The following GRIK4 variants were observed in gnomAD, a reference collection of about 807,000 sequenced individuals.
The protein encoded by GRIK4 is glutamate receptor ionotropic, kainate 4.
GRIK4 carries 40 observed loss-of-function variants against 104.9 expected under a neutral mutation model. That is an observed-to-expected ratio of 0.38 (90% CI 0.30 to 0.50). The LOEUF (loss-of-function observed/expected upper bound fraction) is 0.50, where lower values mean the gene tolerates loss of function less well. Among genes scored for constraint, GRIK4 ranks in the 20% least tolerant of loss-of-function variants. The pLI is 0.93. For missense variants in GRIK4, 1,047 were observed against 1,308.1 expected, an observed-to-expected ratio of 0.80 and a Z score of 3.08; for synonymous variants, 485 against 524.9, an observed-to-expected ratio of 0.92 and a Z score of 1.04.
chr11:120,664,858 A>G (rs1475452030), intron 3 of GRIK4, among the ~76,000 whole-genome samples: 1 of 152,168 alleles, frequency 6.6e-6, no homozygotes, highest in Non-Finnish European at 1.5e-5. Context: ...GTGGCAAGGG[A>G]AGTTCTGCTC....
chr11:120,919,989 C>A (rs1335728407), intron 13 of GRIK4, among the ~76,000 whole-genome samples: 1 of 152,058 alleles, frequency 6.6e-6, no homozygotes, highest in Non-Finnish European at 1.5e-5. Flanking sequence ...TGGCAAGAGG[C>A]AGCACTGGGC....
At chr11:120,951,498 G>A (rs74866383) in intron 14 of GRIK4, among the ~76,000 whole-genome samples, 1 of 152,206 alleles carries the variant, frequency 6.6e-6, no homozygotes, top group Non-Finnish European at 1.5e-5. Flanking sequence ...GTGACAGTAG[G>A]TTGCGCCATG....
chr11:120,880,032 G>A (rs755977287), intron 11 of GRIK4, among the ~76,000 whole-genome samples: 1 of 152,208 alleles, frequency 6.6e-6, no homozygotes, highest in Non-Finnish European at 1.5e-5. Flanking sequence ...CTGAGGATTG[G>A]AAATGGCTTG....
chr11:120,779,632 A>G (rs1398537546), intron 3 of GRIK4, among the ~76,000 whole-genome samples: 2 of 151,730 alleles, frequency 1.3e-5, no homozygotes, highest in African/African-American at 4.9e-5. Context: ...TATTTTCTTT[A>G]TCATCATCTG....
At chr11:120,891,737 G>A (rs753221157) in intron 11 of GRIK4, among the ~76,000 whole-genome samples, 4 of 152,162 alleles carry the variant, frequency 2.6e-5, no homozygotes, top group South Asian at 4.1e-4. Context: ...TGGTCACATC[G>A]ATGAATGTTT....
intron 2 of GRIK4, among the ~76,000 whole-genome samples, chr11:120,658,853 A>AT (rs1949763827): frequency 7.0e-6 from 1 of 141,944 alleles, no homozygotes; most frequent in African/African-American, 2.6e-5. Context: ...GGTTCACGCC[A>AT]TTCTCCTGCC....
Position 120,956,389 on chromosome 11 carries a change from G to C in GRIK4, c.1701-391G>C, listed in dbSNP as rs1428280700. ...GCTAATTTTTTTGTATTTTTTAGTA[G>C]AGACGGGTTTTCGCTGTGTTGCCCA... is the stretch of plus-strand genomic sequence containing the variant. On this transcript the variant is annotated intron_variant, in intron 15 of 20. Coordinates refer to ENST00000527524, the MANE Select transcript of GRIK4 (RefSeq NM_014619.5). The surrounding 1 kb of genome is among the most constrained non-coding windows in gnomAD (Gnocchi z 4.6). 4.0e-5 allele frequency among the ~76,000 whole-genome samples: 6 copies of C among 151,890 alleles called. No individual in the cohort carries two copies. The highest frequency in any genetic ancestry group is 1.3e-4 in the Admixed American group (2 of 15,250).
intron 9 of GRIK4, among the ~76,000 whole-genome samples, chr11:120,863,194 G>A (rs760730734): frequency 6.6e-5 from 10 of 152,240 alleles, no homozygotes; most frequent in Non-Finnish European, 1.5e-4. Flanking sequence ...ATTTTGGTCA[G>A]CGATGGACAA....
At chr11:120,836,730 G>A in intron 7 of GRIK4, 61 bp from the exon 8 acceptor site, 1 of 1,053,108 alleles carries the variant, frequency 9.5e-7, no homozygotes, top group Non-Finnish European at 1.5e-6. Context: ...AACCCCTACT[G>A]CTCATTTGCT....
At chr11:120,832,080 C>T (rs368255398) in intron 7 of GRIK4, 50 bp downstream of exon 7, 15 of 1,349,066 alleles carry the variant, frequency 1.1e-5, no homozygotes, top group African/African-American at 2.9e-5. Flanking sequence ...CACCCTCCCC[C>T]CTCCTTGCCT....
intron 3 of GRIK4, among the ~76,000 whole-genome samples, chr11:120,718,857 G>A (rs1051418733): frequency 5.9e-5 from 9 of 152,134 alleles, no homozygotes; most frequent in Admixed American, 3.3e-4. Flanking sequence ...GTACTTGCCC[G>A]TTCAGTCCCT....
chr11:120,718,864 C>T (rs563689553), intron 3 of GRIK4, among the ~76,000 whole-genome samples: 10 of 152,324 alleles, frequency 6.6e-5, no homozygotes, highest in African/African-American at 2.4e-4. Flanking sequence ...CCCGTTCAGT[C>T]CCTTGCTGAC....
At position 120,712,669 on chromosome 11, in the gene GRIK4, G is replaced by C. The variant is rs936856694; in HGVS notation, c.82+52269G>C. Among the ~76,000 whole-genome samples the C allele has an allele frequency of 2.6e-5, 4 of 151,940 alleles. No individual in the cohort carries two copies. The East Asian group carries it at 7.7e-4, about 29-fold the overall frequency. On this transcript the variant is annotated intron_variant, in intron 3 of 20. Transcript: ENST00000527524. Reference sequence around the variant, plus strand: ...CTACTTAAATTCTGCCAGGGACAGGGAGCTCACTGCCTGGTCGTCAGTTTT... The same window carrying C: ...CTACTTAAATTCTGCCAGGGACAGGCAGCTCACTGCCTGGTCGTCAGTTTT...
At position 120,672,006 on chromosome 11, in the gene GRIK4, C is replaced by T. The variant is rs1441748053; in HGVS notation, c.82+11606C>T. On this transcript the variant is annotated intron_variant, in intron 3 of 20. Coordinates refer to ENST00000527524, the MANE Select transcript of GRIK4 (RefSeq NM_014619.5). ...TGTATATCTGTTTTGGCACCAGTACCATGCTGTTTTGGTTACTGTAGCCTT... is the reference window on the plus strand; with the variant it reads ...TGTATATCTGTTTTGGCACCAGTACTATGCTGTTTTGGTTACTGTAGCCTT... Among the ~76,000 whole-genome samples the T allele has an allele frequency of 2.0e-5, 3 of 152,292 alleles. No homozygotes were observed. In the East Asian group the frequency reaches 5.8e-4, roughly 29 times the overall value.
At chr11:120,961,864 C>T (rs142501916) in intron 17 of GRIK4, among the ~76,000 whole-genome samples, 332 of 152,318 alleles carry the variant, frequency 2.2e-3, no homozygotes, top group Non-Finnish European at 3.5e-3. Flanking sequence ...GGCAAGTCTC[C>T]GTGCCTACTG....
At chr11:120,760,149 C>T (rs1010473943) in intron 3 of GRIK4, among the ~76,000 whole-genome samples, 1 of 151,800 alleles carries the variant, frequency 6.6e-6, no homozygotes, top group African/African-American at 2.4e-5. Context: ...TTCTTCTCCC[C>T]CTTATCCCCA....
intron 1 of GRIK4, among the ~76,000 whole-genome samples, chr11:120,574,140 C>G (rs1001685648): frequency 2.0e-5 from 3 of 152,238 alleles, no homozygotes; most frequent in Admixed American, 6.5e-5. Flanking sequence ...GCAAGTCACA[C>G]ACCTCCTCCC....
At chr11:120,915,911 G>A (rs1230691688) in intron 13 of GRIK4, among the ~76,000 whole-genome samples, 4 of 152,324 alleles carry the variant, frequency 2.6e-5, no homozygotes, top group South Asian at 4.1e-4. Context: ...CAGACACACA[G>A]CAAGTGGCCA....
chr11:120,968,842 C>T (rs1481992606), intron 19 of GRIK4, among the ~76,000 whole-genome samples: 2 of 152,170 alleles, frequency 1.3e-5, no homozygotes, highest in African/African-American at 4.8e-5. Context: ...AAAATGAGTT[C>T]AGTAAGTAAC....
Sources: allele counts gnomAD v4.1 joint callset (sites outside exome capture counted in the v4.1 genomes callset), GRCh38; gene constraint gnomAD v4.1.1; non-coding constraint Gnocchi (gnomAD v3.1); transcripts MANE v1.5; gene names NCBI Gene and HGNC (gene_info 2026-07-23, HGNC 2026-07-21).